Variants in ENTREP2 observed in about 807,000 individuals in gnomAD.
The protein encoded by ENTREP2 is protein ENTREP2.
the ENTREP2 span, among the ~76,000 whole-genome samples, chr15:29,367,616 G>C: frequency 1.3e-5 from 2 of 152,104 alleles, no homozygotes; most frequent in Non-Finnish European, 2.9e-5. Context: ...CATGCATAGC[G>C]CTGTGCATAT....
At chr15:29,574,794 C>T in the ENTREP2 span, among the ~76,000 whole-genome samples, 2 of 152,136 alleles carry the variant, frequency 1.3e-5, no homozygotes, top group African/African-American at 4.8e-5. Flanking sequence ...CCCTTGGTAG[C>T]CTCTCTTACG....
At chr15:29,384,655 T>C in the ENTREP2 span, among the ~76,000 whole-genome samples, 1 of 152,078 alleles carries the variant, frequency 6.6e-6, no homozygotes, top group African/African-American at 2.4e-5. Context: ...CAGCAGCCAC[T>C]GTGTGACTCA....
chr15:29,497,624 T>C, the ENTREP2 span, among the ~76,000 whole-genome samples: 2 of 152,202 alleles, frequency 1.3e-5, no homozygotes, highest in African/African-American at 4.8e-5. Context: ...TCCTGTGGTA[T>C]CAATTGTAAT....
the ENTREP2 span, among the ~76,000 whole-genome samples, chr15:29,575,890 A>T: frequency 6.6e-6 from 1 of 152,204 alleles, no homozygotes; most frequent in Non-Finnish European, 1.5e-5. Context: ...ATAGAAAGAC[A>T]ATATTAAGAT....
chr15:29,545,063 C>T, the ENTREP2 span, among the ~76,000 whole-genome samples: 1 of 152,310 alleles, frequency 6.6e-6, no homozygotes, highest in African/African-American at 2.4e-5. Context: ...TCGGGCTAAG[C>T]TCCACAATTA....
the ENTREP2 span, among the ~76,000 whole-genome samples, chr15:29,506,819 C>A: frequency 6.6e-6 from 1 of 152,198 alleles, no homozygotes; most frequent in African/African-American, 2.4e-5. Flanking sequence ...AATGTAAAGA[C>A]TATCAACACT....
At chr15:29,127,904 A>G in the ENTREP2 span, among the ~76,000 whole-genome samples, 1 of 152,218 alleles carries the variant, frequency 6.6e-6, no homozygotes. Context: ...AAGTCACTGA[A>G]TACCTTCTTG....
chr15:29,557,934 G>A, the ENTREP2 span, among the ~76,000 whole-genome samples: 1 of 152,176 alleles, frequency 6.6e-6, no homozygotes, highest in Non-Finnish European at 1.5e-5. Flanking sequence ...ACTGCAATGG[G>A]TAAAGTGACA....
At chr15:29,646,185 A>T in the ENTREP2 span, among the ~76,000 whole-genome samples, 2 of 152,162 alleles carry the variant, frequency 1.3e-5, no homozygotes, top group Admixed American at 1.3e-4. Flanking sequence ...TGCCTAACAA[A>T]TTACCTCAAA....
At chr15:29,401,141 C>T in the ENTREP2 span, among the ~76,000 whole-genome samples, 3 of 152,252 alleles carry the variant, frequency 2.0e-5, no homozygotes, top group African/African-American at 7.2e-5. Flanking sequence ...TGGCTCGCTA[C>T]TGTCAAGCAC....
chr15:29,153,976 T>C, the ENTREP2 span, among the ~76,000 whole-genome samples: 1 of 152,224 alleles, frequency 6.6e-6, no homozygotes, highest in Admixed American at 6.5e-5. Context: ...CCAGCTAATA[T>C]CATCCATTTT....
At chr15:29,587,385 G>C in the ENTREP2 span, among the ~76,000 whole-genome samples, 1 of 151,970 alleles carries the variant, frequency 6.6e-6, no homozygotes, top group South Asian at 2.1e-4. Context: ...ATGACAAAAG[G>C]GTTCAGGAGC....
the ENTREP2 span, among the ~76,000 whole-genome samples, chr15:29,558,769 G>A: frequency 6.0e-5 from 2 of 33,510 alleles, no homozygotes; most frequent in African/African-American, 2.3e-4. Context: ...CTCCTCCTCA[G>A]CCCACTCAGT....
the ENTREP2 span, chr15:29,123,796 G>T: frequency 1.2e-6 from 1 of 813,294 alleles, no homozygotes; most frequent in Non-Finnish European, 1.9e-6. Flanking sequence ...ATGCCCTGCT[G>T]TCCCCATCCC....
the ENTREP2 span, among the ~76,000 whole-genome samples, chr15:29,134,978 G>A: frequency 6.6e-6 from 1 of 152,116 alleles, no homozygotes; most frequent in Non-Finnish European, 1.5e-5. Flanking sequence ...GATCTGGGTA[G>A]AGATAACCAT....
chr15:29,487,764 C>T, the ENTREP2 span, among the ~76,000 whole-genome samples: 4 of 152,218 alleles, frequency 2.6e-5, no homozygotes, highest in Non-Finnish European at 5.9e-5. Flanking sequence ...TCGATCTCAG[C>T]TCACTGCAAC....
the ENTREP2 span, among the ~76,000 whole-genome samples, chr15:29,553,581 A>C: frequency 2.0e-5 from 3 of 152,294 alleles, no homozygotes; most frequent in East Asian, 3.9e-4. Context: ...TGACTGCTTC[A>C]GCCAACTGAG....
chr15:29,353,744 A>C, the ENTREP2 span, among the ~76,000 whole-genome samples: 24 of 152,290 alleles, frequency 1.6e-4, 1 homozygote, highest in Middle Eastern at 0.014. Context: ...CCATGAAATA[A>C]ATGAATGAAC....
the ENTREP2 span, among the ~76,000 whole-genome samples, chr15:29,200,930 A>G: frequency 3.7e-4 from 56 of 152,196 alleles, no homozygotes; most frequent in Non-Finnish European, 5.6e-4. Context: ...CAATTTATTT[A>G]TTTCCTCATT....
Sources: gnomAD v4.1 joint callset for allele counts (sites outside exome capture counted in the v4.1 genomes callset) on GRCh38, gnomAD v4.1.1 for gene constraint, MANE v1.5 for transcripts, NCBI Gene and HGNC (gene_info 2026-07-23, HGNC 2026-07-21) for gene names.